Variants in IPO11 observed in about 807,000 individuals in gnomAD.
The protein encoded by IPO11 is importin 11.
In IPO11, 66 loss-of-function variants were observed where a neutral mutation model predicts 143.2. That is an observed-to-expected ratio of 0.46 (90% CI 0.38 to 0.57). IPO11 has a LOEUF of 0.57. IPO11 is among the 20% of genes least tolerant of loss of function. IPO11 has a pLI of 0.00. For missense variants in IPO11, 1,026 were observed against 1,141.0 expected, an observed-to-expected ratio of 0.90 and a Z score of 1.45; for synonymous variants, 385 against 377.8, an observed-to-expected ratio of 1.02 and a Z score of -0.22.
intron 16 of IPO11, among the ~76,000 whole-genome samples, chr5:62,496,740 A>G (rs532271460): frequency 6.6e-6 from 1 of 152,358 alleles, no homozygotes; most frequent in South Asian, 2.1e-4. Flanking sequence ...CATATACACA[A>G]ACACACATTG....
intron 26 of IPO11, among the ~76,000 whole-genome samples, chr5:62,552,574 A>T (rs1743425904): frequency 2.0e-5 from 3 of 151,982 alleles, no homozygotes; most frequent in African/African-American, 7.2e-5. Context: ...GGCCTCCCAA[A>T]GTGCTGAGAT....
chr5:62,531,090 A>G (rs770579746), intron 22 of IPO11, among the ~76,000 whole-genome samples: 10 of 152,090 alleles, frequency 6.6e-5, no homozygotes, highest in Admixed American at 5.9e-4. Flanking sequence ...TGAGTACTCA[A>G]TGTTTAGCTT....
intron 5 of IPO11, among the ~76,000 whole-genome samples, chr5:62,458,020 G>A (rs184383949): frequency 5.3e-5 from 8 of 151,758 alleles, no homozygotes; most frequent in African/African-American, 1.7e-4. Flanking sequence ...GGTGGTGGGC[G>A]CCTGTAGTCC....
intron 24 of IPO11, among the ~76,000 whole-genome samples, chr5:62,540,192 G>T (rs2112329544): frequency 6.6e-6 from 1 of 152,204 alleles, no homozygotes; most frequent in Non-Finnish European, 1.5e-5. Context: ...GGATCCATTT[G>T]GGATTCTCTG....
intron 22 of IPO11, 43 bp from the exon 23 acceptor site, chr5:62,536,659 T>C: frequency 6.4e-7 from 1 of 1,558,628 alleles, no homozygotes; most frequent in Non-Finnish European, 8.6e-7. Flanking sequence ...TTTTGAGCAG[T>C]GAATTAATTT....
rs994026791 is a variant in IPO11 at position 62,462,963 on chromosome 5, C to T, written c.517-4168C>T. Among the ~76,000 whole-genome samples the T allele has an allele frequency of 2.6e-5, 4 of 151,128 alleles. No individual in the cohort carries two copies. In the Middle Eastern group the frequency reaches 0.01, roughly 386 times the overall value. ...TTAGATAAAAGGTCTATGGCTCTTA[C>T]GACTAGTGAATGGGACTAGTTCTAA... On this transcript the variant is annotated intron_variant, in intron 5 of 29. Coordinates refer to ENST00000325324, the MANE Select transcript of IPO11 (RefSeq NM_016338.5).
intron 1 of IPO11, among the ~76,000 whole-genome samples, chr5:62,435,178 A>ATATATATATG (rs1222515440): frequency 3.9e-5 from 3 of 75,974 alleles, no homozygotes; most frequent in Non-Finnish European, 8.2e-5. Context: ...ATATGTATAT[A>ATATATATATG]TGTATATATA....
chr5:62,562,845 C>T (rs1743818197), intron 27 of IPO11, among the ~76,000 whole-genome samples: 2 of 152,188 alleles, frequency 1.3e-5, no homozygotes, highest in African/African-American at 2.4e-5. Flanking sequence ...TAGTACTTAG[C>T]AAATGCCACA....
chr5:62,415,129 G>T (rs561253613), intron 1 of IPO11, among the ~76,000 whole-genome samples: 1 of 152,254 alleles, frequency 6.6e-6, no homozygotes, highest in East Asian at 1.9e-4. Flanking sequence ...CCTGCTAACT[G>T]CTCCTGTTTA....
At chr5:62,612,521 C>T (rs990162204) in intron 29 of IPO11, among the ~76,000 whole-genome samples, 5 of 152,128 alleles carry the variant, frequency 3.3e-5, no homozygotes, top group African/African-American at 7.2e-5. Flanking sequence ...TACGAGAATC[C>T]GGCTTTCATT....
At chr5:62,477,871 A>G (rs1322029169) in intron 9 of IPO11, among the ~76,000 whole-genome samples, 1 of 152,216 alleles carries the variant, frequency 6.6e-6, no homozygotes, top group Non-Finnish European at 1.5e-5. Flanking sequence ...GTTGGAAGCA[A>G]TTTCATTTAT....
chr5:62,437,908 AAT>A (rs1439930694), intron 2 of IPO11, among the ~76,000 whole-genome samples: 2 of 152,252 alleles, frequency 1.3e-5, no homozygotes, highest in African/African-American at 4.8e-5. Flanking sequence ...ATTAATTAAC[AAT>A]ATGTGCTTTA....
At chr5:62,490,070 T>C in intron 14 of IPO11, 45 bp from the exon 15 acceptor site, 1 of 1,167,360 alleles carries the variant, frequency 8.6e-7, no homozygotes, top group African/African-American at 1.6e-5. Flanking sequence ...TTTGCAGATC[T>C]GATATCTGAA....
intron 1 of IPO11, among the ~76,000 whole-genome samples, chr5:62,414,255 C>T (rs1311225077): frequency 5.3e-5 from 8 of 152,128 alleles, no homozygotes; most frequent in Non-Finnish European, 1.2e-4. Context: ...CAGCATGATC[C>T]TTGTAGGCAT....
chr5:62,438,758 A>C (rs925885196), intron 2 of IPO11, among the ~76,000 whole-genome samples: 2 of 147,948 alleles, frequency 1.4e-5, no homozygotes, highest in Non-Finnish European at 3.0e-5. Flanking sequence ...ATCTCAAAAA[A>C]AAAAGGGGGG....
intron 1 of IPO11, among the ~76,000 whole-genome samples, chr5:62,418,693 A>G (rs904904657): frequency 6.6e-6 from 1 of 152,156 alleles, no homozygotes; most frequent in Non-Finnish European, 1.5e-5. Flanking sequence ...ACATGCTTTT[A>G]TCTAGAGACC....
chr5:62,488,682 G>A (rs559861355), intron 13 of IPO11, among the ~76,000 whole-genome samples: 1 of 152,226 alleles, frequency 6.6e-6, no homozygotes, highest in East Asian at 1.9e-4. Flanking sequence ...AGGTGTAGTG[G>A]TGTATCCTAG....
At chr5:62,419,026 A>G (rs759845503) in intron 1 of IPO11, 10 of 1,551,122 alleles carry the variant, frequency 6.4e-6, no homozygotes, top group African/African-American at 2.7e-5. Flanking sequence ...GGTACAGCCT[A>G]TTATACACTT....
Position 62,541,417 on chromosome 5 carries a change from C to T in IPO11, c.2250+4128C>T, listed in dbSNP as rs569778119. ...TATTTTGACCAGGCGTGGTGGCTCA[C>T]GCCTGTAATCCTAACACCTTGGGAG... On this transcript the variant is annotated intron_variant, in intron 24 of 29. Transcript: ENST00000325324. Among the ~76,000 whole-genome samples the T allele has an allele frequency of 5.3e-5, 8 of 150,652 alleles. No individual in the cohort carries two copies. The South Asian group carries it at 1.7e-3, about 32-fold the overall frequency.
Sources: gnomAD v4.1 joint callset for allele counts (sites outside exome capture counted in the v4.1 genomes callset) on GRCh38, gnomAD v4.1.1 for gene constraint, MANE v1.5 for transcripts, NCBI Gene and HGNC (gene_info 2026-07-23, HGNC 2026-07-21) for gene names.